Variants in RO60 observed in about 807,000 individuals in gnomAD.
RO60 encodes the protein Ro60, Y RNA binding protein, also known as RNA-binding protein RO60.
A neutral mutation model predicts 55.3 loss-of-function variants in RO60; 20 were observed. The observed-to-expected ratio is 0.36, with a 90% CI of 0.25 to 0.53. RO60 has a LOEUF of 0.53. Ranked by LOEUF, RO60 falls within the 20% of genes least tolerant of loss-of-function variation. RO60 has a pLI of 0.92. For missense variants in RO60, 558 were observed against 646.6 expected, an observed-to-expected ratio of 0.86 and a Z score of 1.49; for synonymous variants, 213 against 213.6, an observed-to-expected ratio of 1.00 and a Z score of 0.02.
chr1:193,071,265 C>A (rs183352489), intron 2 of RO60, among the ~76,000 whole-genome samples: 1 of 152,298 alleles, frequency 6.6e-6, no homozygotes, highest in South Asian at 2.1e-4. Flanking sequence ...GACTGGTATC[C>A]GTGTATAGCC....
rs182128393 is a variant in RO60 at position 193,062,181 on chromosome 1, A to T, written c.-22+2405A>T. Among the ~76,000 whole-genome samples the T allele has an allele frequency of 3.3e-5, 5 of 152,318 alleles. No individual in the cohort carries two copies. In the East Asian group the frequency reaches 9.6e-4, roughly 29 times the overall value. On this transcript the variant is annotated intron_variant, in intron 1 of 8. Coordinates refer to ENST00000400968, the MANE Select transcript of RO60 (RefSeq NM_001173524.2). The stretch of plus-strand genomic sequence containing the variant: ...TAATCTGGATTTACAACACTTGATT[A>T]TCCAGGAATGGATTAACTGATGACC...
At chr1:193,066,793 A>C (rs1412919429) in intron 1 of RO60, among the ~76,000 whole-genome samples, 1 of 152,188 alleles carries the variant, frequency 6.6e-6, no homozygotes, top group Non-Finnish European at 1.5e-5. Flanking sequence ...GTATCTGTCA[A>C]CATGTCTTTA....
chr1:193,071,778 A>G (rs1488115738), intron 2 of RO60, among the ~76,000 whole-genome samples: 2 of 148,444 alleles, frequency 1.3e-5, no homozygotes, highest in East Asian at 1.9e-4. Flanking sequence ...TATATAATAT[A>G]TAATGTTAGT....
At chr1:193,077,943 A>G (rs1162056428) in intron 5 of RO60, among the ~76,000 whole-genome samples, 1 of 152,176 alleles carries the variant, frequency 6.6e-6, no homozygotes, top group African/African-American at 2.4e-5. Flanking sequence ...TTGATAAAAA[A>G]TGAGTTTTTT....
chr1:193,084,771 G>T lies in RO60; in HGVS notation c.*40G>T. The T allele has an allele frequency of 6.3e-7, 1 of 1,592,542 alleles. No individual in the cohort carries two copies. The highest frequency in any genetic ancestry group is 1.8e-5 in the Admixed American group (1 of 56,518). ...ACGATCCAGAGATCCATTGCCATCAGTGATCTCACTAAAAATATACAGCTA... is the reference window on the plus strand; with the variant it reads ...ACGATCCAGAGATCCATTGCCATCATTGATCTCACTAAAAATATACAGCTA... On this transcript the variant is annotated 3_prime_UTR_variant, in exon 9 of 9. Transcript: ENST00000400968.
chr1:193,074,665 T>G (rs1200442400), intron 2 of RO60, among the ~76,000 whole-genome samples: 1 of 152,222 alleles, frequency 6.6e-6, no homozygotes, highest in Admixed American at 6.5e-5. Flanking sequence ...TGCAAAAATT[T>G]TCTCCCATTC....
rs1674796631 is a variant in RO60, at chr1:193,090,069, G to A, written c.*5338G>A. ...TCTGTCCGCCTCGGCCTTCCAAAGT[G>A]CTAGGATTACAGGCGTGAGCCACCG... is the stretch of plus-strand genomic sequence containing the variant. On this transcript the variant is annotated 3_prime_UTR_variant, in exon 9 of 9. Coordinates refer to ENST00000400968, the MANE Select transcript of RO60 (RefSeq NM_001173524.2). The A allele has an allele frequency of 6.6e-6, 1 of 152,184 alleles. No homozygotes were observed. The allele number at this position is 152,184 out of a possible 1,614,324, so 9.4% of individuals were successfully genotyped here.
At chr1:193,065,625 T>A (rs1258926661) in intron 1 of RO60, among the ~76,000 whole-genome samples, 1 of 151,858 alleles carries the variant, frequency 6.6e-6, no homozygotes, top group African/African-American at 2.4e-5. Context: ...AGAAGCATGT[T>A]AGTCTTCTTA....
rs780172041 is a variant in RO60, at chr1:193,090,441, ACT to A, written c.*5715_*5716del. 2.7e-5 allele frequency: 4 copies of A among 149,448 alleles called. No homozygotes were observed. Among genetic ancestry groups the A allele is most frequent in the East Asian group, 2.0e-4 (1 of 5,128 alleles). The allele number at this position is 149,448 out of a possible 1,614,324, so 9.3% of individuals were successfully genotyped here. A position where few individuals can be genotyped will look rare whatever the true frequency, so the allele number is the denominator to read the frequency against. ...TGTTGCACTGTTACTCTGAATATGG[ACT>A]CTCTATATCTGGTATGGCGTGACTG... is the stretch of plus-strand genomic sequence containing the variant. On this transcript the variant is annotated 3_prime_UTR_variant, in exon 9 of 9. Transcript: ENST00000400968.
At chr1:193,073,662 C>T (rs1673676135) in intron 2 of RO60, among the ~76,000 whole-genome samples, 2 of 152,180 alleles carry the variant, frequency 1.3e-5, no homozygotes, top group African/African-American at 4.8e-5. Context: ...TAACCTCTGC[C>T]TCCTCAGTTC....
rs932648857 is a variant in RO60 at position 193,086,891 on chromosome 1, A to G, written c.*2160A>G. The G allele has an allele frequency of 3.3e-5, 5 of 152,124 alleles. No individual in the cohort carries two copies. The highest frequency in any genetic ancestry group is 1.2e-4 in the African/African-American group (5 of 41,422). 9.4% of individuals were successfully genotyped at this position (152,124 alleles called of 1,614,324 possible). ...ATATTTGAGCTGGAAGAAACCTTAG[A>G]AACCTAAAAGCTAATTTTTTAAATT... On this transcript the variant is annotated 3_prime_UTR_variant, in exon 9 of 9. Transcript: ENST00000400968.
intron 1 of RO60, among the ~76,000 whole-genome samples, chr1:193,062,313 G>T (rs757972274): frequency 6.6e-6 from 1 of 152,172 alleles, no homozygotes; most frequent in African/African-American, 2.4e-5. Flanking sequence ...AAATTAAGTT[G>T]CTGTATATGT....
intron 5 of RO60, among the ~76,000 whole-genome samples, chr1:193,080,534 A>G (rs946464027): frequency 6.6e-6 from 1 of 152,196 alleles, no homozygotes; most frequent in East Asian, 1.9e-4. Flanking sequence ...TTTTGATGCT[A>G]TTGTGAACAA....
At chr1:193,067,063 C>A (rs1370363476) in intron 1 of RO60, among the ~76,000 whole-genome samples, 1 of 152,000 alleles carries the variant, frequency 6.6e-6, no homozygotes, top group East Asian at 1.9e-4. Context: ...ATTTTATACT[C>A]CCTTGCTCAC....
chr1:193,066,646 C>G (rs1449490188), intron 1 of RO60, among the ~76,000 whole-genome samples: 1 of 152,174 alleles, frequency 6.6e-6, no homozygotes, highest in Non-Finnish European at 1.5e-5. Context: ...AAAGGCCTTT[C>G]TCTCATTAGC....
rs1447894345 is a variant in RO60, at chr1:193,090,120, T to A, written c.*5389T>A. The A allele has an allele frequency of 1.3e-5, 2 of 152,206 alleles. No homozygotes were observed. Among genetic ancestry groups the A allele is most frequent in the African/African-American group, 4.8e-5 (2 of 41,448 alleles). The allele number at this position is 152,206 out of a possible 1,614,324, so 9.4% of individuals were successfully genotyped here. A position where few individuals can be genotyped will look rare whatever the true frequency, so the allele number is the denominator to read the frequency against. ...CACCTGGCCAACTTTTCATCTTAAG[T>A]TGTTTAAATTTATGCACTTTTAGAT... On this transcript the variant is annotated 3_prime_UTR_variant, in exon 9 of 9. Transcript: ENST00000400968.
chr1:193,060,745 T>G lies in RO60; in HGVS notation c.-22+969T>G, dbSNP rs1160441829. Among the ~76,000 whole-genome samples, 6 of 152,222 alleles carry G rather than the reference T, an allele frequency of 3.9e-5. No individual in the cohort carries two copies. The East Asian group carries it at 1.2e-3, about 29-fold the overall frequency. Reference sequence around the variant, plus strand: ...GTGTTGGTTTAAAAAAAATTTTTTTTGTAACTTTCTTGAAGTTTATCTCCG... The same window carrying G: ...GTGTTGGTTTAAAAAAAATTTTTTTGGTAACTTTCTTGAAGTTTATCTCCG... On this transcript the variant is annotated intron_variant, in intron 1 of 8. Transcript: ENST00000400968.
At position 193,087,024 on chromosome 1, in the gene RO60, G is replaced by T. The variant is rs1268279635; in HGVS notation, c.*2293G>T. 2 of 152,038 alleles carry T rather than the reference G, an allele frequency of 1.3e-5. No homozygotes were observed. The highest frequency in any genetic ancestry group is 2.9e-5 in the Non-Finnish European group (2 of 67,970). 9.4% of individuals were successfully genotyped at this position (152,038 alleles called of 1,614,324 possible). Reference sequence around the variant, plus strand: ...CAGAATTTATTTCCCCACAACATGGGAATACATGGTCTCAGAAGAGTAGAG... The same window carrying T: ...CAGAATTTATTTCCCCACAACATGGTAATACATGGTCTCAGAAGAGTAGAG... On this transcript the variant is annotated 3_prime_UTR_variant, in exon 9 of 9. Transcript: ENST00000400968.
At chr1:193,073,495 C>T (rs1320124617) in intron 2 of RO60, among the ~76,000 whole-genome samples, 2 of 152,078 alleles carry the variant, frequency 1.3e-5, no homozygotes, top group Non-Finnish European at 2.9e-5. Flanking sequence ...TAAGTCAATA[C>T]GTGTCTACAC....
Sources: gnomAD v4.1 joint callset for allele counts (sites outside exome capture counted in the v4.1 genomes callset) on GRCh38, gnomAD v4.1.1 for gene constraint, MANE v1.5 for transcripts, NCBI Gene and HGNC (gene_info 2026-07-23, HGNC 2026-07-21) for gene names.